DLGAP2: variants seen among roughly 807,000 people sequenced by gnomAD.
The protein encoded by DLGAP2 is DLG associated protein 2, also known as disks large-associated protein 2.
Under a neutral mutation model 100.3 loss-of-function variants are expected in DLGAP2, and 26 were observed. The ratio of observed to expected loss-of-function variants is 0.26; its 90% CI spans 0.19 to 0.36. DLGAP2 has a LOEUF of 0.36. DLGAP2 is among the 10% of genes least tolerant of loss of function. The probability of loss-of-function intolerance (pLI) is 1.00; values close to 1 mark genes in which losing one functional copy is unlikely to be tolerated. For missense variants in DLGAP2, 1,858 were observed against 1,453.2 expected, an observed-to-expected ratio of 1.28 and a Z score of -4.53; for synonymous variants, 886 against 630.1, an observed-to-expected ratio of 1.41 and a Z score of -6.08.
chr8:1,412,903 T>C (rs1389863521), intron 3 of DLGAP2, among the ~76,000 whole-genome samples: 2 of 152,208 alleles, frequency 1.3e-5, no homozygotes, highest in Non-Finnish European at 2.9e-5. Context: ...TCTCCCTGTC[T>C]CTGACTTCCC....
intron 2 of DLGAP2, among the ~76,000 whole-genome samples, chr8:1,028,096 G>A (rs186799936): frequency 1.4e-3 from 182 of 127,758 alleles, no homozygotes; most frequent in Admixed American, 7.6e-3. Flanking sequence ...TCTCCAGGTG[G>A]GGTGCCAGGG....
chr8:1,640,344 G>A (rs914950459), intron 8 of DLGAP2, among the ~76,000 whole-genome samples: 22 of 129,040 alleles, frequency 1.7e-4, no homozygotes, highest in Admixed American at 1.3e-3. Flanking sequence ...AAGCCCAGGC[G>A]TGCTGTCCCA....
chr8:902,579 A>C (rs1798275184), intron 1 of DLGAP2, among the ~76,000 whole-genome samples: 1 of 100,772 alleles, frequency 9.9e-6, no homozygotes, highest in Admixed American at 1.2e-4. Flanking sequence ...CGGGGCTGGG[A>C]AGGAAGAAGA....
chr8:1,201,849 A>T (rs1195869736), intron 2 of DLGAP2, among the ~76,000 whole-genome samples: 1 of 151,834 alleles, frequency 6.6e-6, no homozygotes, highest in Non-Finnish European at 1.5e-5. Flanking sequence ...ACATGTGTGT[A>T]TGTGTACGGT....
At chr8:1,346,888 C>T (rs541469047) in intron 3 of DLGAP2, among the ~76,000 whole-genome samples, 1 of 151,610 alleles carries the variant, frequency 6.6e-6, no homozygotes, top group Admixed American at 6.6e-5. Context: ...AGCTGCGTTG[C>T]ACTCACGGTA....
intron 2 of DLGAP2, among the ~76,000 whole-genome samples, chr8:950,183 T>A (rs1316476130): frequency 6.6e-6 from 1 of 152,168 alleles, no homozygotes; most frequent in East Asian, 1.9e-4. Context: ...GTTTTCAATC[T>A]CATGCCCGGC....
chr8:1,114,101 G>C (rs982781512), intron 2 of DLGAP2, among the ~76,000 whole-genome samples: 1 of 152,172 alleles, frequency 6.6e-6, no homozygotes, highest in Non-Finnish European at 1.5e-5. Flanking sequence ...TGGTTTGCAA[G>C]AATTTTGCTG....
intron 1 of DLGAP2, among the ~76,000 whole-genome samples, chr8:777,438 C>A (rs1387125225): frequency 6.6e-6 from 1 of 151,892 alleles, no homozygotes; most frequent in Non-Finnish European, 1.5e-5. Flanking sequence ...GCAGTTTCTT[C>A]CTAGTCTCGA....
At chr8:923,065 A>G (rs1798746930) in intron 2 of DLGAP2, among the ~76,000 whole-genome samples, 2 of 152,058 alleles carry the variant, frequency 1.3e-5, no homozygotes, top group South Asian at 2.1e-4. Flanking sequence ...GTTAAAAGCT[A>G]TGTCAAACCC....
intron 8 of DLGAP2, among the ~76,000 whole-genome samples, chr8:1,665,836 C>T (rs932309786): frequency 3.9e-5 from 6 of 152,218 alleles, no homozygotes; most frequent in Non-Finnish European, 5.9e-5. Context: ...AATGGGTTAC[C>T]ATGAAAACAG....
intron 1 of DLGAP2, among the ~76,000 whole-genome samples, chr8:760,900 T>C (rs1426015650): frequency 1.3e-5 from 2 of 152,156 alleles, no homozygotes; most frequent in Non-Finnish European, 2.9e-5. Flanking sequence ...CGGGAGACCC[T>C]AATTCCCAGA....
chr8:1,470,073 G>T (rs1222067644), intron 3 of DLGAP2, among the ~76,000 whole-genome samples: 8 of 152,120 alleles, frequency 5.3e-5, no homozygotes, highest in Non-Finnish European at 7.3e-5. Context: ...GAGGCAGGAG[G>T]ATCACTTGAG....
At chr8:1,057,017 C>G (rs1166290240) in intron 2 of DLGAP2, among the ~76,000 whole-genome samples, 1 of 152,208 alleles carries the variant, frequency 6.6e-6, no homozygotes, top group African/African-American at 2.4e-5. Context: ...ACCCCAAGAA[C>G]TCATGGACCC....
intron 2 of DLGAP2, among the ~76,000 whole-genome samples, chr8:1,062,966 G>T (rs773110895): frequency 6.6e-6 from 1 of 152,112 alleles, no homozygotes; most frequent in Non-Finnish European, 1.5e-5. Context: ...TGCAGCAGCC[G>T]GGCTGCTGGT....
intron 2 of DLGAP2, among the ~76,000 whole-genome samples, chr8:1,236,240 A>AGTTCTCTCACATGGTG (rs1270589683): frequency 1.8e-4 from 7 of 39,572 alleles, no homozygotes; most frequent in African/African-American, 9.5e-4. Flanking sequence ...CTCACATGGC[A>AGTTCTCTCACATGGTG]CCATGTCTAG....
intron 2 of DLGAP2, among the ~76,000 whole-genome samples, chr8:1,006,433 C>T (rs557971795): frequency 3.3e-4 from 47 of 141,150 alleles, no homozygotes; most frequent in Admixed American, 2.5e-3. Flanking sequence ...TTTATCACGT[C>T]GGGGGCGCCC....
chr8:1,469,617 C>G (rs1269431232), intron 3 of DLGAP2, among the ~76,000 whole-genome samples: 1 of 152,190 alleles, frequency 6.6e-6, no homozygotes, highest in African/African-American at 2.4e-5. Context: ...AGCTCTTGGG[C>G]AACGTGAAAT....
chr8:1,534,785 TGTGTGA>T (rs1309014043), intron 4 of DLGAP2, among the ~76,000 whole-genome samples: 1 of 148,368 alleles, frequency 6.7e-6, no homozygotes, highest in Non-Finnish European at 1.5e-5. Flanking sequence ...CACGTGTACG[TGTGTGA>T]GTGTAAGTGT....
intron 2 of DLGAP2, among the ~76,000 whole-genome samples, chr8:959,386 G>C (rs762861517): frequency 6.6e-6 from 1 of 152,156 alleles, no homozygotes; most frequent in South Asian, 2.1e-4. Flanking sequence ...TCAGAGAAAC[G>C]GCCCTGTCCT....
Sources: gnomAD v4.1 joint callset for allele counts (sites outside exome capture counted in the v4.1 genomes callset) on GRCh38, gnomAD v4.1.1 for gene constraint, MANE v1.5 for transcripts, NCBI Gene and HGNC (gene_info 2026-07-23, HGNC 2026-07-21) for gene names.